TAPBPL: variants seen among roughly 807,000 people sequenced by gnomAD.
TAPBPL encodes the protein TAP binding protein like.
A neutral mutation model predicts 44.8 loss-of-function variants in TAPBPL; 32 were observed. The ratio of observed to expected loss-of-function variants is 0.71; its 90% confidence interval spans 0.54 to 0.96. The LOEUF is 0.96. TAPBPL is among the 40% of genes least tolerant of loss of function. The pLI, the probability that TAPBPL is intolerant of heterozygous loss-of-function variation, is 0.00. For missense variants in TAPBPL, 520 were observed against 586.6 expected (o/e 0.89, Z 1.17); for synonymous variants, 230 against 240.7 (o/e 0.96, Z 0.41).
At chr12:6,455,690 G>A (rs1193835472) in intron 3 of TAPBPL, among the ~76,000 whole-genome samples, 1 of 151,996 alleles carries the variant, frequency 6.6e-6, no homozygotes, top group Non-Finnish European at 1.5e-5. Flanking sequence ...AGCTACTCAG[G>A]AGACTGAGGC....
chr12:6,469,303 A>G (rs2240867), downstream of TAPBPL, among the ~76,000 whole-genome samples: 129,917 of 152,082 alleles, frequency 0.85, 55,876 homozygotes, highest in African/African-American at 0.95. Flanking sequence ...CCAGGATGGT[A>G]GCACCAATGA....
downstream of TAPBPL, chr12:6,466,203 A>G: frequency 6.2e-7 from 1 of 1,614,130 alleles, no homozygotes; most frequent in Non-Finnish European, 8.5e-7. Context: ...GGAAACTTTC[A>G]GAGAAACAGC....
At chr12:6,465,162 T>A, downstream of TAPBPL, 2 of 590,380 alleles carry the variant, frequency 3.4e-6, no homozygotes, top group Non-Finnish European at 5.8e-6. Context: ...TCACAGGACC[T>A]GCATTGAGCT....
upstream of TAPBPL, chr12:6,451,759 A>G: frequency 7.5e-6 from 2 of 266,998 alleles, 1 homozygote. Context: ...CCCAAAATCC[A>G]GTTTCCTGGC....
At chr12:6,459,351 T>C (rs962854818) in intron 5 of TAPBPL, among the ~76,000 whole-genome samples, 1 of 152,210 alleles carries the variant, frequency 6.6e-6, no homozygotes, top group South Asian at 2.1e-4. Context: ...AGCCAAATCA[T>C]AAAACAGCCT....
chr12:6,460,093 A>G (rs1332304852), intron 5 of TAPBPL, among the ~76,000 whole-genome samples: 1 of 152,066 alleles, frequency 6.6e-6, no homozygotes, highest in Non-Finnish European at 1.5e-5. Context: ...TAAGCAGGAA[A>G]GGGACAGGAA....
the TAPBPL span, among the ~76,000 whole-genome samples, chr12:6,471,785 C>T: frequency 1.3e-5 from 2 of 152,078 alleles, no homozygotes; most frequent in East Asian, 3.9e-4. This position sits in a 1 kb window ranked among gnomAD's most constrained non-coding sequence, Gnocchi z 4.0. Context: ...CGAGATCACG[C>T]CACTGCACTC....
rs745541127 is a variant in TAPBPL, at chr12:6,453,315, G to A, written c.295+18G>A. The A allele has an allele frequency of 6.2e-7, 1 of 1,612,912 alleles. No individual in the cohort carries two copies. The highest frequency in any genetic ancestry group is 8.5e-7 in the Non-Finnish European group (1 of 1,179,534). ...GGCCTCAGGTAAAAGCCTTCCACCT[G>A]TGTCCTTGGTCCTCCCGGGCTCCCT... is the stretch of plus-strand genomic sequence containing the variant. On this transcript the variant is annotated intron_variant, in intron 2 of 6. Transcript: ENST00000266556. This position sits in a 1 kb window ranked among gnomAD's most constrained non-coding sequence, Gnocchi z 4.8.
At chr12:6,451,696 A>C, upstream of TAPBPL, 3 of 332,994 alleles carry the variant, frequency 9.0e-6, no homozygotes, top group East Asian at 5.6e-5. Flanking sequence ...GGGCAAAATA[A>C]AGTGACAGAT....
chr12:6,464,560 C>T, downstream of TAPBPL: 1 of 1,464,508 alleles, frequency 6.8e-7, no homozygotes, highest in Non-Finnish European at 9.0e-7. Context: ...TGAATTACAC[C>T]AAGTTACCAG....
At chr12:6,454,957 CCT>C (rs1170481678) in intron 3 of TAPBPL, among the ~76,000 whole-genome samples, 1 of 152,112 alleles carries the variant, frequency 6.6e-6, no homozygotes, top group African/African-American at 2.4e-5. Flanking sequence ...AACACTCTAA[CCT>C]CTCTGTGGTC....
chr12:6,463,804 CA>C, downstream of TAPBPL: 7 of 1,188,838 alleles, frequency 5.9e-6, no homozygotes, highest in Non-Finnish European at 7.4e-6. The surrounding 1 kb of genome is among the most constrained non-coding windows in gnomAD (Gnocchi z 4.0). Context: ...GCTATTTTCA[CA>C]ATCCCTAAGT....
chr12:6,471,534 A>G, the TAPBPL span, among the ~76,000 whole-genome samples: 6 of 152,206 alleles, frequency 3.9e-5, no homozygotes, highest in African/African-American at 1.2e-4. The surrounding 1 kb of genome is among the most constrained non-coding windows in gnomAD (Gnocchi z 4.0). Flanking sequence ...CCGCTAAGAA[A>G]AAAGGTTACA....
Position 6,453,067 on chromosome 12 carries a change from A to G in TAPBPL, c.65A>G (p.Lys22Arg). Residue 22 changes from lysine (K) to arginine (R), a missense_variant and splice_region_variant, in exon 2 of 7, where the codon AAG (lysine) becomes AGG (arginine). Coordinates refer to ENST00000266556, the MANE Select transcript of TAPBPL (RefSeq NM_018009.5). This position sits in a 1 kb window ranked among gnomAD's most constrained non-coding sequence, Gnocchi z 4.8. ...TGCTCACCCCAGCCTTTGTCTGCAG[A>G]GCCCCACCCAGCAGAGGGGCAGTGG... ...CLALSGAAET[K>R]PHPAEGQWRA... The G allele has an allele frequency of 6.4e-7, 1 of 1,570,880 alleles. No homozygotes were observed. Among genetic ancestry groups the G allele is most frequent in the South Asian group, 1.2e-5 (1 of 85,614 alleles).
At chr12:6,470,623 G>T, downstream of TAPBPL, 3 of 1,538,580 alleles carry the variant, frequency 1.9e-6, no homozygotes, top group Non-Finnish European at 2.7e-6. Flanking sequence ...GGACGGAACT[G>T]CCAAGCTCCG....
chr12:6,462,559 G>A (rs935821174), downstream of TAPBPL: 87 of 554,514 alleles, frequency 1.6e-4, 2 homozygotes, highest in South Asian at 1.9e-3. Flanking sequence ...GGTACAGGGT[G>A]GGTGAGAAAG....
chr12:6,464,860 C>T, downstream of TAPBPL: 1 of 1,613,882 alleles, frequency 6.2e-7, no homozygotes. Context: ...CCCACCTCTT[C>T]ACCCCACCAG....
chr12:6,465,756 G>A, downstream of TAPBPL: 1 of 1,534,692 alleles, frequency 6.5e-7, no homozygotes, highest in Non-Finnish European at 8.8e-7. Flanking sequence ...CACCATTAGA[G>A]GGAAGAAATG....
chr12:6,469,658 T>TG (rs1945718331), downstream of TAPBPL, among the ~76,000 whole-genome samples: 1 of 152,196 alleles, frequency 6.6e-6, no homozygotes, highest in Non-Finnish European at 1.5e-5. Flanking sequence ...GCAACATAAA[T>TG]ACATCTAGGA....
Sources: gnomAD v4.1 joint callset for allele counts (sites outside exome capture counted in the v4.1 genomes callset) on GRCh38, gnomAD v4.1.1 for gene constraint, Gnocchi (gnomAD v3.1) non-coding constraint, MANE v1.5 for transcripts, NCBI Gene and HGNC (gene_info 2026-07-23, HGNC 2026-07-21) for gene names.